Variants in PCDHA4 observed in about 807,000 individuals in gnomAD.
PCDHA4 encodes the protein protocadherin alpha 4.
PCDHA4 carries 49 observed loss-of-function variants against 61.4 expected under a neutral mutation model. The ratio of observed to expected loss-of-function variants is 0.80; its 90% CI spans 0.63 to 1.01. PCDHA4 has a LOEUF of 1.01. PCDHA4 is among the 50% of genes least tolerant of loss of function. The pLI, the probability that PCDHA4 is intolerant of heterozygous loss-of-function variation, is 0.00. For synonymous variants in PCDHA4, 590 were observed against 550.3 expected (o/e 1.07, Z -1.01); for missense variants, 1,254 against 1,235.8 (o/e 1.01, Z -0.22).
At chr5:140,911,560 A>T (rs1554194794) in intron 1 of PCDHA4, among the ~76,000 whole-genome samples, 2 of 152,170 alleles carry the variant, frequency 1.3e-5, no homozygotes, top group Non-Finnish European at 2.9e-5. Flanking sequence ...ATTTTCTTTC[A>T]TCACTTTGTC....
intron 1 of PCDHA4, chr5:140,830,414 A>G: frequency 6.2e-7 from 1 of 1,614,162 alleles, no homozygotes; most frequent in Non-Finnish European, 8.5e-7. Flanking sequence ...CTTTAGCCCC[A>G]GCCTTTCACC....
At chr5:140,890,533 T>C (rs2062686259) in intron 1 of PCDHA4, among the ~76,000 whole-genome samples, 1 of 152,234 alleles carries the variant, frequency 6.6e-6, no homozygotes, top group South Asian at 2.1e-4. Context: ...TTGATCTTCT[T>C]TTGAAATGAC....
At chr5:140,832,340 G>T (rs2150201175) in intron 1 of PCDHA4, among the ~76,000 whole-genome samples, 2 of 152,234 alleles carry the variant, frequency 1.3e-5, no homozygotes, top group African/African-American at 4.8e-5. Flanking sequence ...ACTGAGTTGT[G>T]GTTTGTGTTT....
At chr5:140,861,557 G>A in intron 1 of PCDHA4, 1 of 398,292 alleles carries the variant, frequency 2.5e-6, no homozygotes, top group Non-Finnish European at 5.2e-6. Context: ...AAGTGATCGT[G>A]GACAAGCTGC....
At chr5:140,906,502 C>G (rs182726471) in intron 1 of PCDHA4, among the ~76,000 whole-genome samples, 2 of 152,298 alleles carry the variant, frequency 1.3e-5, no homozygotes, top group African/African-American at 4.8e-5. Context: ...ATGTTTTTAA[C>G]AAAGAAGGAG....
intron 1 of PCDHA4, chr5:140,816,459 G>A (rs1330630931): frequency 2.0e-5 from 3 of 152,012 alleles, no homozygotes; most frequent in African/African-American, 7.2e-5. Flanking sequence ...ACTTTGTCAA[G>A]TAATTCACAT....
chr5:140,894,997 T>G (rs566489828), intron 1 of PCDHA4, among the ~76,000 whole-genome samples: 15 of 152,296 alleles, frequency 9.8e-5, no homozygotes, highest in African/African-American at 3.6e-4. Flanking sequence ...TCCTTTACCC[T>G]TTTTACTTGG....
chr5:140,882,462 G>T, intron 1 of PCDHA4: 1 of 1,614,036 alleles, frequency 6.2e-7, no homozygotes, highest in Non-Finnish European at 8.5e-7. Context: ...CGCCTGTTCC[G>T]GGTGGCGTCC....
intron 1 of PCDHA4, chr5:140,842,727 C>A (rs1554139317): frequency 6.3e-7 from 1 of 1,594,926 alleles, no homozygotes; most frequent in East Asian, 2.2e-5. Flanking sequence ...GAGAACAACC[C>A]GCCGGGCTGC....
intron 1 of PCDHA4, among the ~76,000 whole-genome samples, chr5:140,923,528 C>CA (rs1240707958): frequency 2.0e-5 from 3 of 151,622 alleles, no homozygotes; most frequent in Non-Finnish European, 4.4e-5. Context: ...GATTCTGTCC[C>CA]AAAAAAAGGA....
chr5:140,898,965 G>T (rs2067069000), intron 1 of PCDHA4, among the ~76,000 whole-genome samples: 1 of 152,044 alleles, frequency 6.6e-6, no homozygotes, highest in Non-Finnish European at 1.5e-5. Flanking sequence ...GTGAATGGGA[G>T]TTCACTCATG....
rs2150353254 is a variant in PCDHA4 at position 140,843,123 on chromosome 5, C to A, written c.2385+33551C>A. On this transcript the variant is annotated intron_variant, in intron 1 of 3. Transcript: ENST00000530339. ...AAGGTGCGCGCAGTGGACGCCGACT[C>A]GGGCTACAACGCGTGGCTTTCGTAT... The A allele has an allele frequency of 3.1e-6, 5 of 1,595,902 alleles. No individual in the cohort carries two copies. In the South Asian group the frequency reaches 3.3e-5, roughly 11 times the overall value.
chr5:140,911,420 C>T (rs1411930717), intron 1 of PCDHA4, among the ~76,000 whole-genome samples: 1 of 152,134 alleles, frequency 6.6e-6, no homozygotes, highest in Non-Finnish European at 1.5e-5. Context: ...ATGATAAGAA[C>T]TTGTGTCCAA....
chr5:140,987,336 A>G (rs2097249605), intron 3 of PCDHA4, among the ~76,000 whole-genome samples: 1 of 152,200 alleles, frequency 6.6e-6, no homozygotes, highest in Admixed American at 6.5e-5. Context: ...GAACTGGTCT[A>G]AGGTAAATAT....
chr5:141,000,103 G>T (rs551643743), intron 3 of PCDHA4, among the ~76,000 whole-genome samples: 2 of 152,068 alleles, frequency 1.3e-5, no homozygotes, highest in Non-Finnish European at 2.9e-5. Flanking sequence ...GCTCAACTCC[G>T]TCTCTTCCCT....
rs377044316 is a variant in PCDHA4 at position 140,883,116 on chromosome 5, G to A, written c.2385+73544G>A. 14 of 1,613,818 alleles carry A rather than the reference G, an allele frequency of 8.7e-6. No homozygotes were observed. The African/African-American group carries it at 1.9e-4, about 22-fold the overall frequency. On this transcript the variant is annotated intron_variant, in intron 1 of 3. Coordinates refer to ENST00000530339, the MANE Select transcript of PCDHA4 (RefSeq NM_018907.4). ...GGAGATATAGTTTACTCATTTAGAAGGCCTGTATGGCCTGCAGTGGTATAT... is the reference window on the plus strand; with the variant it reads ...GGAGATATAGTTTACTCATTTAGAAAGCCTGTATGGCCTGCAGTGGTATAT...
intron 1 of PCDHA4, chr5:140,870,150 C>T (rs2051709522): frequency 6.2e-7 from 1 of 1,614,098 alleles, no homozygotes; most frequent in Non-Finnish European, 8.5e-7. Context: ...CTCCTGAAGT[C>T]GCCGTGACTT....
chr5:140,985,845 C>T (rs1381097554), intron 3 of PCDHA4, among the ~76,000 whole-genome samples: 1 of 150,700 alleles, frequency 6.6e-6, no homozygotes, highest in African/African-American at 2.4e-5. Flanking sequence ...GTTCATGCCA[C>T]TCTCCTGCCT....
At chr5:140,821,419 A>T (rs189071646) in intron 1 of PCDHA4, 32 of 183,592 alleles carry the variant, frequency 1.7e-4, no homozygotes, top group Non-Finnish European at 3.1e-4. Context: ...GAGTTTAATG[A>T]TATATTTTGA....
Sources: allele counts gnomAD v4.1 joint callset (sites outside exome capture counted in the v4.1 genomes callset), GRCh38; gene constraint gnomAD v4.1.1; transcripts MANE v1.5; gene names NCBI Gene and HGNC (gene_info 2026-07-23, HGNC 2026-07-21).